Variants in NLRC5 observed in about 807,000 individuals in gnomAD.
NLRC5 encodes the protein NLR family CARD domain containing 5.
In NLRC5, 114 loss-of-function variants were observed where a neutral mutation model predicts 206.9. The observed-to-expected ratio is 0.55, with a 90% CI of 0.47 to 0.64. The LOEUF (loss-of-function observed/expected upper bound fraction) is 0.64. NLRC5 is among the 30% of genes least tolerant of loss of function. NLRC5 has a pLI of 0.00. For synonymous variants in NLRC5, 952 were observed against 962.8 expected, an observed-to-expected ratio of 0.99 and a Z score of 0.21; for missense variants, 2,008 against 2,305.5, an observed-to-expected ratio of 0.87 and a Z score of 2.64.
At chr16:57,077,115 A>G (rs2068499374) in intron 40 of NLRC5, among the ~76,000 whole-genome samples, 181 bp from the exon 41 acceptor site, 1 of 152,214 alleles carries the variant, frequency 6.6e-6, no homozygotes, top group African/African-American at 2.4e-5. Context: ...AGGTCAGACA[A>G]TGGGGAGAAC....
chr16:57,055,066 A>G lies in NLRC5; in HGVS notation c.3631A>G (p.Asn1211Asp), dbSNP rs754763448. ...CCATGCAACTTTGCACTTCAGATCC[A>G]ACGAGGAGGAGGAAGGCGTGTGCTG... ...LHHATLHFRS[N>D]EEEEGVCCGR... is the part of the protein sequence containing the mutation. The change falls in exon 26 of 49, where the codon AAC (asparagine) becomes GAC (aspartate). Residue 1211 changes from asparagine (N) to aspartate (D), a missense_variant. Asn to Asp is a conservative substitution (Grantham distance 23, BLOSUM62 1). Transcript: ENST00000688547. 1 of 1,614,222 alleles carries G rather than the reference A, an allele frequency of 6.2e-7. No individual in the cohort carries two copies. Among genetic ancestry groups the G allele is most frequent in the Non-Finnish European group, 8.5e-7 (1 of 1,180,044 alleles).
intron 1 of NLRC5, among the ~76,000 whole-genome samples, chr16:57,008,369 A>G (rs1193424911): frequency 6.6e-6 from 1 of 152,256 alleles, no homozygotes; most frequent in Non-Finnish European, 1.5e-5. Flanking sequence ...TAAATTGAAC[A>G]TATAGCTTTC....
In NLRC5 at chr16:57,022,272, G is replaced by A. The variant is rs1253188972; in HGVS notation, c.312G>A (p.Leu104=). The change falls in exon 4 of 49, where the codon CTG becomes CTA. Residue 104 remains leucine, a synonymous_variant. Coordinates refer to ENST00000688547, the MANE Select transcript of NLRC5 (RefSeq NM_001384950.1). ...FGYDDGFTSQ[L]GAEGKSQPES... ...CTCTTGCAGGGTTCACCAGCCAGCTGGGAGCTGAGGGGAAAAGCCAACCTG... is the reference window on the plus strand; with the variant it reads ...CTCTTGCAGGGTTCACCAGCCAGCTAGGAGCTGAGGGGAAAAGCCAACCTG... 28 of 1,611,954 alleles carry A rather than the reference G, an allele frequency of 1.7e-5. No homozygotes were observed. Among genetic ancestry groups the A allele is most frequent in the African/African-American group, 2.7e-5 (2 of 75,020 alleles).
intron 8 of NLRC5, among the ~76,000 whole-genome samples, chr16:57,028,991 T>C (rs1253365402): frequency 6.6e-6 from 1 of 152,212 alleles, no homozygotes. Flanking sequence ...AGAACGCTGC[T>C]AGTTTATATG....
rs1278587184 is a variant in NLRC5, at chr16:57,005,470, G to A, written c.-127-11604G>A. ...GCGCAGGAATTTGAGACTAGCTTGG[G>A]CAACATAGCGGGACCTCATCTTAAT... On this transcript the variant is annotated intron_variant, in intron 1 of 48. Transcript: ENST00000688547. 2.0e-5 allele frequency among the ~76,000 whole-genome samples: 3 copies of A among 148,940 alleles called. 1 individual carries two copies. The Admixed American group carries it at 2.0e-4, about 10-fold the overall frequency.
At chr16:57,033,057 C>T (rs2062065717) in intron 11 of NLRC5, among the ~76,000 whole-genome samples, 1 of 152,036 alleles carries the variant, frequency 6.6e-6, no homozygotes, top group Admixed American at 6.6e-5. Flanking sequence ...CTCATGATGT[C>T]CTAGCTTCCC....
At chr16:56,996,074 G>A (rs1385975356) in intron 1 of NLRC5, among the ~76,000 whole-genome samples, 7 of 152,204 alleles carry the variant, frequency 4.6e-5, no homozygotes, top group African/African-American at 1.7e-4. Context: ...TTTTCAGCAA[G>A]GGGAGGCCAG....
At position 57,061,623 on chromosome 16, in the gene NLRC5, C is replaced by A. The variant is rs777467415; in HGVS notation, c.4076C>A (p.Thr1359Asn). ...KSLQLTELTL[T>N]QCCLGQKQLA... The stretch of plus-strand genomic sequence containing the variant: ...TGACTGACCTCTGTCTCCAGGCTGA[C>A]CCAGTGCTGCCTGGGCCAGAAGCAG... The change falls in exon 32 of 49, where the codon ACC becomes AAC. Residue 1359 changes from threonine (T) to asparagine (N), a missense_variant. Physicochemically the swap from Thr to Asn is moderately conservative, Grantham distance 65 (BLOSUM62 0). Coordinates refer to ENST00000688547, the MANE Select transcript of NLRC5 (RefSeq NM_001384950.1). 1.9e-6 allele frequency: 3 copies of A among 1,610,216 alleles called. No homozygotes were observed. Among genetic ancestry groups the A allele is most frequent in the Non-Finnish European group, 2.5e-6 (3 of 1,179,334 alleles).
At chr16:57,079,318 G>A (rs550944341) in intron 45 of NLRC5, 26 bp downstream of exon 45, 25 of 1,610,266 alleles carry the variant, frequency 1.6e-5, no homozygotes, top group Non-Finnish European at 2.0e-5. Context: ...TGCCTGCCTA[G>A]GGGACCAGTG....
Position 57,034,156 on chromosome 16 carries a change from C to T in NLRC5, c.2544-12C>T. ...TTGCCCTGAGCCCTTCTGTCCCCCA[C>T]TCCTACCCAAGGCTGCAGAAGTGTC... On this transcript the variant is annotated splice_polypyrimidine_tract_variant and intron_variant, in intron 12 of 48. Transcript: ENST00000688547. The T allele has an allele frequency of 3.1e-6, 5 of 1,613,230 alleles. No homozygotes were observed. Among genetic ancestry groups the T allele is most frequent in the Non-Finnish European group, 4.2e-6 (5 of 1,179,374 alleles).
intron 3 of NLRC5, 36 bp downstream of exon 3, chr16:57,021,043 C>A: frequency 6.3e-7 from 1 of 1,596,438 alleles, no homozygotes; most frequent in Non-Finnish European, 8.6e-7. Context: ...AGCAGCCGGG[C>A]CAGTACCTGC....
chr16:56,993,875 G>A lies in NLRC5; in HGVS notation c.-128+4258G>A, dbSNP rs1478208242. Among the ~76,000 whole-genome samples, 13 of 150,982 alleles carry A rather than the reference G, an allele frequency of 8.6e-5. No individual in the cohort carries two copies. In the Admixed American group the frequency reaches 8.6e-4, roughly 10 times the overall value. ...TAAAATGGTGGCATAGTTGCTTATA[G>A]AATGTCTGAACCATATGCGTCATTG... On this transcript the variant is annotated intron_variant, in intron 1 of 48. Transcript: ENST00000688547.
intron 35 of NLRC5, 24 bp from the exon 36 acceptor site, chr16:57,067,712 T>C: frequency 6.2e-7 from 1 of 1,607,192 alleles, no homozygotes; most frequent in Non-Finnish European, 8.5e-7. Flanking sequence ...TGAAATCCTC[T>C]AGAATATCCT....
intron 39 of NLRC5, among the ~76,000 whole-genome samples, chr16:57,076,427 G>T (rs2068407629): frequency 6.6e-6 from 1 of 152,234 alleles, no homozygotes. Flanking sequence ...GAACTGATCT[G>T]CGTGAATCAG....
chr16:57,001,943 A>G (rs1335969246), intron 1 of NLRC5, among the ~76,000 whole-genome samples: 1 of 150,012 alleles, frequency 6.7e-6, no homozygotes, highest in Non-Finnish European at 1.5e-5. Flanking sequence ...TCTACTCTCT[A>G]TCTCCATGAC....
In NLRC5 at chr16:57,025,833, A is replaced by G. The variant is rs769539344; in HGVS notation, c.890A>G (p.Lys297Arg). ...GACACTGTCTTCCAGTACCTGGAGAAGAACGCTGACCAAGTCCTGCTGATC... is the reference window on the plus strand; with the variant it reads ...GACACTGTCTTCCAGTACCTGGAGAGGAACGCTGACCAAGTCCTGCTGATC... ...DHDTVFQYLE[K>R]NADQVLLIFD... Residue 297 changes from lysine (K) to arginine (R), a missense_variant, in exon 6 of 49, where the codon AAG becomes AGG. Transcript: ENST00000688547. 2 of 1,614,240 alleles carry G rather than the reference A, an allele frequency of 1.2e-6. No individual in the cohort carries two copies. Among genetic ancestry groups the G allele is most frequent in the Non-Finnish European group, 1.7e-6 (2 of 1,180,036 alleles).
intron 8 of NLRC5, among the ~76,000 whole-genome samples, chr16:57,029,162 G>T (rs180929110): frequency 6.6e-6 from 1 of 152,328 alleles, no homozygotes; most frequent in Admixed American, 6.5e-5. Flanking sequence ...AGGTTCAGAA[G>T]TACTGAACTT....
intron 1 of NLRC5, among the ~76,000 whole-genome samples, chr16:57,011,059 G>A (rs763614267): frequency 6.6e-6 from 1 of 152,080 alleles, no homozygotes; most frequent in Non-Finnish European, 1.5e-5. Flanking sequence ...CCCAGAGTTG[G>A]TCTCTATGTA....
Position 57,069,814 on chromosome 16 carries a change from G to A in NLRC5, c.4500-22G>A, listed in dbSNP as rs773251209. ...ACCCAGGGCGGCTCCTGCCTGACCT[G>A]TTGCCCTTTGACCCCCACCAGGCTG... On this transcript the variant is annotated intron_variant, in intron 36 of 48. Coordinates refer to ENST00000688547, the MANE Select transcript of NLRC5 (RefSeq NM_001384950.1). The A allele has an allele frequency of 2.3e-5, 37 of 1,593,326 alleles. No individual in the cohort carries two copies. In the South Asian group the frequency reaches 4.1e-4, roughly 18 times the overall value.
Sources: gnomAD v4.1 joint callset for allele counts (sites outside exome capture counted in the v4.1 genomes callset) on GRCh38, gnomAD v4.1.1 for gene constraint, MANE v1.5 for transcripts, NCBI Gene and HGNC (gene_info 2026-07-23, HGNC 2026-07-21) for gene names.